Variants in TMEM127 observed in about 807,000 individuals in gnomAD.
The protein encoded by TMEM127 is transmembrane protein 127.
In TMEM127, 21 loss-of-function variants were observed where a neutral mutation model predicts 20.1. That is an observed-to-expected ratio of 1.04 (90% CI 0.74 to 1.50). The LOEUF is 1.50. Ranked by LOEUF, TMEM127 falls within the 40% of genes most tolerant of loss-of-function variation. TMEM127 has a pLI of 0.00. For synonymous variants in TMEM127, 150 were observed against 144.7 expected (o/e 1.04, Z -0.26); for missense variants, 303 against 317.4 (o/e 0.95, Z 0.34).
Position 96,265,178 on chromosome 2 carries a change from G to A in TMEM127, c.204C>T (p.Val68=), listed in dbSNP as rs775642794. 1.9e-6 allele frequency: 3 copies of A among 1,610,932 alleles called. No individual in the cohort carries two copies. The highest frequency in any genetic ancestry group is 4.5e-5 in the East Asian group (2 of 44,848). Residue 68 remains valine, a synonymous_variant, in exon 2 of 4, where the codon GTC becomes GTT. Coordinates refer to ENST00000258439, the MANE Select transcript of TMEM127 (RefSeq NM_017849.4). The part of the protein sequence containing the change: ...GGTCSRQELG[V]SDVLGYVHPD... Reference sequence around the variant, plus strand: ...GGTGCACATAGCCCAACACGTCGGAGACCCCCAGCTCCTGGCGCGAACAGG... The same window carrying A: ...GGTGCACATAGCCCAACACGTCGGAAACCCCCAGCTCCTGGCGCGAACAGG...
At chr2:96,257,509 G>A (rs1263888478) in intron 2 of TMEM127, among the ~76,000 whole-genome samples, 1 of 152,120 alleles carries the variant, frequency 6.6e-6, no homozygotes, top group Non-Finnish European at 1.5e-5. Context: ...GATACTGTCT[G>A]TCTCCTTTGA....
intron 3 of TMEM127, 79 bp from the exon 4 acceptor site, chr2:96,254,194 C>G: frequency 6.4e-7 from 1 of 1,569,250 alleles, no homozygotes; most frequent in Non-Finnish European, 8.7e-7. Context: ...CAATCACAGC[C>G]TCTCTACCCA....
At chr2:96,258,453 C>T (rs911497862) in intron 2 of TMEM127, among the ~76,000 whole-genome samples, 11 of 152,340 alleles carry the variant, frequency 7.2e-5, no homozygotes, top group African/African-American at 1.7e-4. Flanking sequence ...GCTCAGAGTT[C>T]GCCCAGCAGA....
In TMEM127 at chr2:96,265,369, C is replaced by CG; in HGVS notation, c.12dup (p.Gly5ArgfsTer26). ...CGCCCGCCGGGCAGCCCTGCGCCTC[C>CG]GGGGGCGTACATGCCCGGGGCCGCC... On this transcript the variant is annotated frameshift_variant, in exon 2 of 4. Transcript: ENST00000258439. LOFTEE classifies it high-confidence loss of function. The CG allele has an allele frequency of 6.8e-7, 1 of 1,465,782 alleles. No homozygotes were observed. Among genetic ancestry groups the CG allele is most frequent in the Non-Finnish European group, 9.0e-7 (1 of 1,115,718 alleles). The allele number at this position is 1,465,782 out of a possible 1,614,324, so 90.8% of individuals were successfully genotyped here. A position where few individuals can be genotyped will look rare whatever the true frequency, so the allele number is the denominator to read the frequency against.
chr2:96,256,269 CA>C (rs149704966), intron 2 of TMEM127, among the ~76,000 whole-genome samples: 8,860 of 92,194 alleles, frequency 0.096, 237 homozygotes, highest in Admixed American at 0.13. Context: ...GACTCTGTCT[CA>C]AAAAAAAAAA....
chr2:96,254,425 G>C (rs1355886159), intron 3 of TMEM127, among the ~76,000 whole-genome samples: 1 of 152,162 alleles, frequency 6.6e-6, no homozygotes, highest in African/African-American at 2.4e-5. Context: ...AGGGAGGACA[G>C]CAGCTACATA....
intron 2 of TMEM127, among the ~76,000 whole-genome samples, chr2:96,256,336 C>G (rs1644483450): frequency 6.6e-6 from 1 of 150,864 alleles, no homozygotes; most frequent in African/African-American, 2.4e-5. Context: ...CTTTGGGAGG[C>G]CAAGGCGGGC....
rs886056439 is a variant in TMEM127 at position 96,251,921 on chromosome 2, T to TCAGA, written c.*1883_*1886dup. 5 of 233,248 alleles carry TCAGA rather than the reference T, an allele frequency of 2.1e-5. No homozygotes were observed. The Admixed American group carries it at 2.8e-4, about 13-fold the overall frequency. The allele number at this position is 233,248 out of a possible 1,614,324, so 14.4% of individuals were successfully genotyped here. A position where few individuals can be genotyped will look rare whatever the true frequency, so the allele number is the denominator to read the frequency against. ...GTGCCTGGTCTTCTGGTCTGCCTGC[T>TCAGA]CAGACACCCAAGGGCAGAGAGAGCT... On this transcript the variant is annotated 3_prime_UTR_variant, in exon 4 of 4. Coordinates refer to ENST00000258439, the MANE Select transcript of TMEM127 (RefSeq NM_017849.4).
Position 96,265,505 on chromosome 2 carries a change from G to A in TMEM127, c.-124C>T. ...TCCGGGTTCGCTGCAGGTGAAGCCG[G>A]GACTGGGCTGTCAGGGTTGACACCA... On this transcript the variant is annotated 5_prime_UTR_variant, in exon 2 of 4. Coordinates refer to ENST00000258439, the MANE Select transcript of TMEM127 (RefSeq NM_017849.4). 8.2e-7 allele frequency: 1 copy of A among 1,223,468 alleles called. No homozygotes were observed. Among genetic ancestry groups the A allele is most frequent in the Non-Finnish European group, 1.0e-6 (1 of 972,754 alleles). 75.8% of individuals were successfully genotyped at this position (1,223,468 alleles called of 1,614,324 possible).
In TMEM127 at chr2:96,258,895, A is replaced by G. The variant is rs185833894; in HGVS notation, c.245-3898T>C. Among the ~76,000 whole-genome samples the G allele has an allele frequency of 3.3e-5, 5 of 152,270 alleles. No individual in the cohort carries two copies. In the East Asian group the frequency reaches 9.6e-4, roughly 29 times the overall value. On this transcript the variant is annotated intron_variant, in intron 2 of 3. Coordinates refer to ENST00000258439, the MANE Select transcript of TMEM127 (RefSeq NM_017849.4). ...GTAGGCCGTGTCAGATTCCACTCAC[A>G]TTACTGATGAGGCCAGGCAGTTGGA...
intron 2 of TMEM127, among the ~76,000 whole-genome samples, chr2:96,263,028 G>A (rs1338957021): frequency 6.7e-6 from 1 of 148,644 alleles, no homozygotes; most frequent in Non-Finnish European, 1.5e-5. Context: ...GAACAAAGAA[G>A]AACCTGCACC....
intron 2 of TMEM127, among the ~76,000 whole-genome samples, chr2:96,264,650 G>A (rs1684376887): frequency 6.6e-6 from 1 of 152,208 alleles, no homozygotes; most frequent in Non-Finnish European, 1.5e-5. Context: ...TACTGCGGGT[G>A]GCAATGGAAC....
Position 96,256,485 on chromosome 2 carries a change from T to C in TMEM127, c.245-1488A>G, listed in dbSNP as rs570778077. 2.2e-4 allele frequency among the ~76,000 whole-genome samples: 33 copies of C among 150,624 alleles called. No individual in the cohort carries two copies. The East Asian group carries it at 2.7e-3, about 12-fold the overall frequency. ...ACTTGGGAGGCTGAGGCAGGAGAAT[T>C]GCTTGAACCTGGGAGATGGAGGTTG... On this transcript the variant is annotated intron_variant, in intron 2 of 3. Transcript: ENST00000258439.
chr2:96,263,594 G>C (rs1227138101), intron 2 of TMEM127, among the ~76,000 whole-genome samples: 1 of 152,138 alleles, frequency 6.6e-6, no homozygotes, highest in Non-Finnish European at 1.5e-5. Flanking sequence ...ATAATTATGA[G>C]ATTGCTCCTT....
At position 96,252,698 on chromosome 2, in the gene TMEM127, T is replaced by G; in HGVS notation, c.*1110A>C. ...ACTGGTTGTATTCCTATGTGGAGGGTGGTGGGTTCCTGCCCTGTTGTGGCC... is the reference window on the plus strand; with the variant it reads ...ACTGGTTGTATTCCTATGTGGAGGGGGGTGGGTTCCTGCCCTGTTGTGGCC... On this transcript the variant is annotated 3_prime_UTR_variant, in exon 4 of 4. Transcript: ENST00000258439. This position sits in a 1 kb window ranked among gnomAD's most constrained non-coding sequence, Gnocchi z 4.2. 4.3e-6 allele frequency: 1 copy of G among 233,474 alleles called. No homozygotes were observed. The highest frequency in any genetic ancestry group is 8.5e-6 in the Non-Finnish European group (1 of 118,148). 14.5% of individuals were successfully genotyped at this position (233,474 alleles called of 1,614,324 possible). A position where few individuals can be genotyped will look rare whatever the true frequency, so the allele number is the denominator to read the frequency against.
chr2:96,258,981 G>A (rs988113425), intron 2 of TMEM127, among the ~76,000 whole-genome samples: 8 of 152,286 alleles, frequency 5.3e-5, no homozygotes, highest in African/African-American at 1.7e-4. Flanking sequence ...GCTGGATGGT[G>A]AGCACAAGGA....
rs562042620 is a variant in TMEM127 at position 96,265,464 on chromosome 2, T to C, written c.-83A>G. The C allele has an allele frequency of 1.5e-5, 19 of 1,286,764 alleles. No individual in the cohort carries two copies. The African/African-American group carries it at 2.7e-4, about 18-fold the overall frequency. The allele number at this position is 1,286,764 out of a possible 1,614,324, so 79.7% of individuals were successfully genotyped here. A position where few individuals can be genotyped will look rare whatever the true frequency, so the allele number is the denominator to read the frequency against. Reference sequence around the variant, plus strand: ...GGGCGCGCAGAGCCTGACAGTCCGGTGGAGGATAGCAACGCTCCGGGTTCG... The same window carrying C: ...GGGCGCGCAGAGCCTGACAGTCCGGCGGAGGATAGCAACGCTCCGGGTTCG... On this transcript the variant is annotated 5_prime_UTR_variant, in exon 2 of 4. Coordinates refer to ENST00000258439, the MANE Select transcript of TMEM127 (RefSeq NM_017849.4).
Position 96,265,453 on chromosome 2 carries a change from T to C in TMEM127, c.-72A>G. On this transcript the variant is annotated 5_prime_UTR_variant, in exon 2 of 4. Transcript: ENST00000258439. ...CGACCTCCGCGGGGCGCGCAGAGCCTGACAGTCCGGTGGAGGATAGCAACG... is the reference window on the plus strand; with the variant it reads ...CGACCTCCGCGGGGCGCGCAGAGCCCGACAGTCCGGTGGAGGATAGCAACG... 1 of 1,299,402 alleles carries C rather than the reference T, an allele frequency of 7.7e-7. No individual in the cohort carries two copies. The highest frequency in any genetic ancestry group is 2.4e-5 in the South Asian group (1 of 41,138). 80.5% of individuals were successfully genotyped at this position (1,299,402 alleles called of 1,614,324 possible).
chr2:96,261,276 C>CTT (rs912308390), intron 2 of TMEM127, among the ~76,000 whole-genome samples: 7 of 140,658 alleles, frequency 5.0e-5, no homozygotes, highest in African/African-American at 1.8e-4. Flanking sequence ...AGGATGAGGT[C>CTT]TTTTTTTTTT....
Sources: gnomAD v4.1 joint callset for allele counts (sites outside exome capture counted in the v4.1 genomes callset) on GRCh38, gnomAD v4.1.1 for gene constraint, Gnocchi (gnomAD v3.1) non-coding constraint, MANE v1.5 for transcripts, NCBI Gene and HGNC (gene_info 2026-07-23, HGNC 2026-07-21) for gene names.